Variants in CDKN3 observed in about 807,000 individuals in gnomAD.
CDKN3 encodes cyclin dependent kinase inhibitor 3.
A neutral mutation model predicts 36.1 loss-of-function variants in CDKN3; 19 were observed. That is an observed-to-expected ratio of 0.53 (90% CI 0.37 to 0.77). The LOEUF (loss-of-function observed/expected upper bound fraction) is 0.77. Ranked by LOEUF, CDKN3 falls within the 30% of genes least tolerant of loss-of-function variation. The pLI is 0.00. For missense variants in CDKN3, 188 were observed against 248.6 expected (o/e 0.76, Z 1.64); for synonymous variants, 71 against 85.3 (o/e 0.83, Z 0.92).
chr14:54,409,514 C>T (rs2139978661), intron 4 of CDKN3, among the ~76,000 whole-genome samples: 1 of 152,188 alleles, frequency 6.6e-6, no homozygotes. Flanking sequence ...TATTCTAGAA[C>T]ATCAGTTTGC....
At chr14:54,401,981 C>T (rs141338650) in intron 3 of CDKN3, among the ~76,000 whole-genome samples, 10 of 152,054 alleles carry the variant, frequency 6.6e-5, no homozygotes, top group African/African-American at 9.6e-5. Context: ...AGGCCGAGGC[C>T]GGCAGATCAC....
intron 6 of CDKN3, among the ~76,000 whole-genome samples, chr14:54,417,399 C>A (rs1433437132): frequency 6.6e-6 from 1 of 152,106 alleles, no homozygotes; most frequent in Non-Finnish European, 1.5e-5. Flanking sequence ...CAGACACACA[C>A]AAAAAAATAT....
At position 54,397,068 on chromosome 14, in the gene CDKN3, G is replaced by T; in HGVS notation, c.-1G>T. 1 of 1,501,354 alleles carries T rather than the reference G, an allele frequency of 6.7e-7. No individual in the cohort carries two copies. The highest frequency in any genetic ancestry group is 8.9e-7 in the Non-Finnish European group (1 of 1,122,130). 93.0% of individuals were successfully genotyped at this position (1,501,354 alleles called of 1,614,324 possible). A position where few individuals can be genotyped will look rare whatever the true frequency, so the allele number is the denominator to read the frequency against. On this transcript the variant is annotated 5_prime_UTR_variant, in exon 1 of 8. Coordinates refer to ENST00000335183, the MANE Select transcript of CDKN3 (RefSeq NM_005192.4). ...CTGGTCTCGACGTGGGGCGGCCAGC[G>T]ATGAAGCCGGTGAGTCGGACGTGCT...
intron 2 of CDKN3, among the ~76,000 whole-genome samples, chr14:54,400,995 A>G (rs2029918183): frequency 6.6e-6 from 1 of 152,244 alleles, no homozygotes; most frequent in African/African-American, 2.4e-5. Flanking sequence ...AAATTGTCCA[A>G]TAGTCATTTT....
At chr14:54,411,755 G>T (rs762358298) in intron 5 of CDKN3, 49 bp downstream of exon 5, 3 of 1,184,578 alleles carry the variant, frequency 2.5e-6, no homozygotes, top group Admixed American at 3.4e-5. Context: ...CAGTCAAAAT[G>T]ATTTCTGGAA....
intron 4 of CDKN3, among the ~76,000 whole-genome samples, chr14:54,409,009 G>C (rs2030261105): frequency 6.6e-6 from 1 of 152,008 alleles, no homozygotes; most frequent in Non-Finnish European, 1.5e-5. Flanking sequence ...GATTGTTGTA[G>C]TTATATTATA....
At position 54,401,560 on chromosome 14, in the gene CDKN3, C is replaced by T. The variant is rs186602584; in HGVS notation, c.129C>T (p.Leu43=). The T allele has an allele frequency of 1.1e-5, 17 of 1,609,206 alleles. No individual in the cohort carries two copies. The highest frequency in any genetic ancestry group is 9.3e-5 in the African/African-American group (7 of 74,872). ...CACGAGTGAATTGTTCTCAGTTTCT[C>T]GGTTTATGTGCTCTTCCAGGTGGGT... ...SLSRVNCSQF[L]GLCALPGCKF... Residue 43 remains leucine, a synonymous_variant, in exon 3 of 8, where the codon CTC becomes CTT. Coordinates refer to ENST00000335183, the MANE Select transcript of CDKN3 (RefSeq NM_005192.4).
chr14:54,417,699 A>C (rs1334305075), intron 6 of CDKN3, 149 bp from the exon 7 acceptor site: 1 of 493,034 alleles, frequency 2.0e-6, no homozygotes, highest in Non-Finnish European at 3.7e-6. Context: ...TTAACTGTCA[A>C]AAACACACAC....
chr14:54,407,782 C>T (rs187425124), intron 3 of CDKN3, among the ~76,000 whole-genome samples: 3 of 152,362 alleles, frequency 2.0e-5, no homozygotes, highest in East Asian at 1.9e-4. Flanking sequence ...GCTTGTTGGG[C>T]TCCGTTGGGG....
intron 1 of CDKN3, among the ~76,000 whole-genome samples, chr14:54,399,097 T>C (rs578123504): frequency 3.3e-5 from 5 of 150,386 alleles, no homozygotes; most frequent in African/African-American, 1.2e-4. Context: ...GGGATTCTCC[T>C]GCCTCAGCCT....
chr14:54,401,774 C>A (rs113527892), intron 3 of CDKN3, among the ~76,000 whole-genome samples, 195 bp downstream of exon 3: 11 of 152,218 alleles, frequency 7.2e-5, no homozygotes, highest in African/African-American at 2.6e-4. Flanking sequence ...TATCCTTCAT[C>A]CCCCTTCCAC....
intron 6 of CDKN3, among the ~76,000 whole-genome samples, chr14:54,416,676 A>G (rs1322013532): frequency 6.6e-6 from 1 of 152,140 alleles, no homozygotes; most frequent in African/African-American, 2.4e-5. Flanking sequence ...TTAGCCAGGC[A>G]TAGTGGTGCA....
At chr14:54,405,097 A>G (rs746873593) in intron 3 of CDKN3, among the ~76,000 whole-genome samples, 1 of 152,002 alleles carries the variant, frequency 6.6e-6, no homozygotes, top group Non-Finnish European at 1.5e-5. Flanking sequence ...TTCTGCCTTA[A>G]TTTACCCAGT....
chr14:54,415,133 T>A (rs1277159107), intron 5 of CDKN3, among the ~76,000 whole-genome samples: 1 of 152,256 alleles, frequency 6.6e-6, no homozygotes, highest in East Asian at 1.9e-4. Flanking sequence ...GAAAATGACT[T>A]AAATGAATAG....
chr14:54,407,624 C>G (rs1413479833), intron 3 of CDKN3, among the ~76,000 whole-genome samples: 4 of 152,222 alleles, frequency 2.6e-5, no homozygotes, highest in African/African-American at 9.6e-5. Context: ...GTTCAAACTT[C>G]CGACTGGCTT....
At chr14:54,408,201 A>C (rs1345454517) in intron 3 of CDKN3, among the ~76,000 whole-genome samples, 2 of 152,216 alleles carry the variant, frequency 1.3e-5, no homozygotes, top group Non-Finnish European at 2.9e-5. Flanking sequence ...TGTTTTCCAT[A>C]GTGGTTGTAC....
chr14:54,405,245 G>A (rs563220245), intron 3 of CDKN3, among the ~76,000 whole-genome samples: 1 of 152,296 alleles, frequency 6.6e-6, no homozygotes, highest in South Asian at 2.1e-4. Flanking sequence ...TTGCTGAGTA[G>A]TATTTTGCTT....
At chr14:54,401,019 C>T (rs2029919048) in intron 2 of CDKN3, among the ~76,000 whole-genome samples, 1 of 152,134 alleles carries the variant, frequency 6.6e-6, no homozygotes, top group African/African-American at 2.4e-5. Flanking sequence ...ATTCATTTTC[C>T]TAAATCACTA....
intron 3 of CDKN3, among the ~76,000 whole-genome samples, chr14:54,406,171 T>C (rs2030149076): frequency 6.6e-6 from 1 of 152,230 alleles, no homozygotes; most frequent in Non-Finnish European, 1.5e-5. Context: ...TGGCCCCCAC[T>C]CTCTTCTGGC....
Sources: gnomAD v4.1 joint callset for allele counts (sites outside exome capture counted in the v4.1 genomes callset) on GRCh38, gnomAD v4.1.1 for gene constraint, MANE v1.5 for transcripts, NCBI Gene and HGNC (gene_info 2026-07-23, HGNC 2026-07-21) for gene names.